The following RAB38 variants were observed in gnomAD, a reference collection of about 807,000 sequenced individuals.
The protein encoded by RAB38 is ras-related protein Rab-38.
In RAB38, 15 loss-of-function variants were observed where a neutral mutation model predicts 18.4. That is an observed-to-expected ratio of 0.82 (90% CI 0.55 to 1.26). The LOEUF is 1.26. Among genes scored for constraint, RAB38 ranks in the 50% most tolerant of loss-of-function variants. The pLI is 0.00. For synonymous variants in RAB38, 101 were observed against 104.4 expected, an observed-to-expected ratio of 0.97 and a Z score of 0.20; for missense variants, 294 against 267.4, an observed-to-expected ratio of 1.10 and a Z score of -0.69.
At chr11:87,884,254 G>C in the RAB38 span, among the ~76,000 whole-genome samples, 1 of 151,928 alleles carries the variant, frequency 6.6e-6, no homozygotes, top group Non-Finnish European at 1.5e-5. Context: ...GCTTCTGCTC[G>C]TAAGAGTGGG....
chr11:87,889,439 G>T, the RAB38 span, among the ~76,000 whole-genome samples: 1 of 151,822 alleles, frequency 6.6e-6, no homozygotes, highest in Admixed American at 6.6e-5. Context: ...TTCCTAACTT[G>T]TTGGCTGGAC....
At chr11:87,955,270 T>C in the RAB38 span, among the ~76,000 whole-genome samples, 9 of 152,162 alleles carry the variant, frequency 5.9e-5, no homozygotes, top group Admixed American at 5.9e-4. Flanking sequence ...ATAAAGGAAA[T>C]ATATTTCCTC....
At chr11:88,134,220 C>T (rs1251208147) in intron 2 of RAB38, among the ~76,000 whole-genome samples, 1 of 152,080 alleles carries the variant, frequency 6.6e-6, no homozygotes, top group Non-Finnish European at 1.5e-5. Context: ...GGACCCCATT[C>T]AAAAACTGCC....
the RAB38 span, among the ~76,000 whole-genome samples, chr11:88,049,548 T>A: frequency 1.3e-5 from 2 of 152,216 alleles, no homozygotes; most frequent in Admixed American, 1.3e-4. Flanking sequence ...CTTTTCGGAC[T>A]CAGCCCGCCT....
At chr11:87,818,079 A>G in the RAB38 span, among the ~76,000 whole-genome samples, 1 of 152,186 alleles carries the variant, frequency 6.6e-6, no homozygotes, top group South Asian at 2.1e-4. Context: ...TGCATTTGTC[A>G]GAATCACCTG....
At chr11:87,931,518 C>T in the RAB38 span, among the ~76,000 whole-genome samples, 1 of 152,058 alleles carries the variant, frequency 6.6e-6, no homozygotes, top group Non-Finnish European at 1.5e-5. Flanking sequence ...TGAGAAATCA[C>T]TTGTTCTTTC....
chr11:87,933,737 A>G, the RAB38 span, among the ~76,000 whole-genome samples: 1 of 152,102 alleles, frequency 6.6e-6, no homozygotes, highest in African/African-American at 2.4e-5. Context: ...CTTTAGCATA[A>G]GCAGATCCAC....
chr11:87,867,921 A>G, the RAB38 span, among the ~76,000 whole-genome samples: 1 of 151,824 alleles, frequency 6.6e-6, no homozygotes, highest in South Asian at 2.1e-4. Flanking sequence ...CCTGGCCCTA[A>G]TCTGAGTGAC....
At chr11:88,049,516 CCT>C in the RAB38 span, among the ~76,000 whole-genome samples, 3 of 152,112 alleles carry the variant, frequency 2.0e-5, no homozygotes, top group African/African-American at 4.8e-5. Flanking sequence ...CGGCCCCACC[CCT>C]GTCTCCCTTC....
the RAB38 span, among the ~76,000 whole-genome samples, chr11:87,915,894 G>A: frequency 6.6e-6 from 1 of 152,092 alleles, no homozygotes; most frequent in Admixed American, 6.5e-5. Flanking sequence ...CACCAAGGAT[G>A]TGGGACGTGG....
chr11:88,017,684 C>A, the RAB38 span, among the ~76,000 whole-genome samples: 2 of 145,046 alleles, frequency 1.4e-5, no homozygotes, highest in East Asian at 3.9e-4. Flanking sequence ...TTACCCAGAT[C>A]TTTTGTTAAA....
chr11:88,149,535 T>A, intron 2 of RAB38, 140 bp downstream of exon 2: 1 of 1,021,738 alleles, frequency 9.8e-7, no homozygotes, highest in Middle Eastern at 3.0e-4. Flanking sequence ...TGCACTGAGA[T>A]GAGAAAGAGC....
the RAB38 span, among the ~76,000 whole-genome samples, chr11:88,099,650 T>C: frequency 4.6e-5 from 7 of 151,792 alleles, no homozygotes; most frequent in African/African-American, 1.7e-4. Flanking sequence ...CATGGGAGTC[T>C]AGTGTGTAGG....
chr11:87,882,230 A>G, the RAB38 span, among the ~76,000 whole-genome samples: 2 of 151,940 alleles, frequency 1.3e-5, no homozygotes, highest in East Asian at 3.9e-4. Flanking sequence ...AGTTCTTTCT[A>G]TGCTTTTGCA....
the RAB38 span, among the ~76,000 whole-genome samples, chr11:87,828,063 T>C: frequency 2.6e-5 from 4 of 152,178 alleles, no homozygotes; most frequent in Non-Finnish European, 5.9e-5. Context: ...GTAATATTAG[T>C]GTTAGCTGAA....
chr11:88,100,661 A>G, the RAB38 span, among the ~76,000 whole-genome samples: 120 of 152,100 alleles, frequency 7.9e-4, 1 homozygote, highest in African/African-American at 2.7e-3. Context: ...TGGAAAGTAC[A>G]TTTTATTGCC....
At chr11:87,930,391 C>T in the RAB38 span, among the ~76,000 whole-genome samples, 248 of 152,140 alleles carry the variant, frequency 1.6e-3, no homozygotes, top group Non-Finnish European at 2.0e-3. Flanking sequence ...TCATATCCTT[C>T]GCCCACTGGT....
At chr11:87,836,086 A>C in the RAB38 span, among the ~76,000 whole-genome samples, 2 of 152,190 alleles carry the variant, frequency 1.3e-5, no homozygotes, top group Admixed American at 1.3e-4. Context: ...GAATAATGCA[A>C]TTTCCCCTAT....
At chr11:87,822,341 T>G in the RAB38 span, among the ~76,000 whole-genome samples, 224 of 152,342 alleles carry the variant, frequency 1.5e-3, 1 homozygote, top group African/African-American at 5.2e-3. Context: ...GATTGCTACA[T>G]AAAAACTGCC....
Sources: gnomAD v4.1 joint callset for allele counts (sites outside exome capture counted in the v4.1 genomes callset) on GRCh38, gnomAD v4.1.1 for gene constraint, MANE v1.5 for transcripts, NCBI Gene and HGNC (gene_info 2026-07-23, HGNC 2026-07-21) for gene names.